The following DNM2 variants were observed in gnomAD, a reference collection of about 807,000 sequenced individuals.
DNM2 encodes dynamin-2.
In DNM2, 15 loss-of-function variants were observed where a neutral mutation model predicts 99.0. The observed-to-expected ratio is 0.15, with a 90% CI of 0.10 to 0.23. The LOEUF is 0.23. Ranked by LOEUF, DNM2 falls within the 10% of genes least tolerant of loss-of-function variation. The pLI is 1.00. For missense variants in DNM2, 742 were observed against 1,189.4 expected (o/e 0.62, Z 5.53); for synonymous variants, 525 against 481.2 (o/e 1.09, Z -1.19).
intron 11 of DNM2, among the ~76,000 whole-genome samples, chr19:10,799,658 G>A (rs562991575): frequency 2.8e-3 from 417 of 149,002 alleles, no homozygotes; most frequent in Non-Finnish European, 5.0e-3. Context: ...CTCAGCCTCC[G>A]AAGTAGCCAG....
chr19:10,719,599 C>A (rs1183894750), intron 1 of DNM2, among the ~76,000 whole-genome samples: 3 of 152,298 alleles, frequency 2.0e-5, no homozygotes, highest in Admixed American at 2.0e-4. Flanking sequence ...CCCACCAACC[C>A]CTCTTGCCTT....
At chr19:10,821,132 G>C (rs893123797) in intron 16 of DNM2, among the ~76,000 whole-genome samples, 1 of 152,042 alleles carries the variant, frequency 6.6e-6, no homozygotes, top group Non-Finnish European at 1.5e-5. Context: ...CTCCAGCTGA[G>C]TCTCCTGGTT....
rs1031023199 is a variant in DNM2, at chr19:10,772,412, C to T, written c.236-67C>T. 1 of 1,598,310 alleles carries T rather than the reference C, an allele frequency of 6.3e-7. No homozygotes were observed. The highest frequency in any genetic ancestry group is 1.3e-5 in the African/African-American group (1 of 74,762). Reference sequence around the variant, plus strand: ...TACTTTCATTCAACAAAGCATTTCTCCCCGCAGTCCATGCGCACCCTGCCC... The same window carrying T: ...TACTTTCATTCAACAAAGCATTTCTTCCCGCAGTCCATGCGCACCCTGCCC... On this transcript the variant is annotated intron_variant, in intron 2 of 20. Coordinates refer to ENST00000389253, the MANE Select transcript of DNM2 (RefSeq NM_001005361.3). The surrounding 1 kb of genome is among the most constrained non-coding windows in gnomAD (Gnocchi z 4.9).
chr19:10,783,015 C>G lies in DNM2; in HGVS notation c.744C>G (p.Ile248Met), dbSNP rs572493411. The G allele has an allele frequency of 1.9e-6, 3 of 1,614,180 alleles. No individual in the cohort carries two copies. Among genetic ancestry groups the G allele is most frequent in the Non-Finnish European group, 2.5e-6 (3 of 1,180,054 alleles). The change falls in exon 6 of 21, where the codon ATC becomes ATG. Residue 248 changes from isoleucine (I) to methionine (M), a missense_variant. Ile to Met is a conservative substitution (Grantham distance 10). Transcript: ENST00000389253. Reference sequence around the variant, plus strand: ...AGGATATTGAGGGCAAGAAGGACATCCGTGCAGCACTGGCAGCTGAGAGGA... The same window carrying G: ...AGGATATTGAGGGCAAGAAGGACATGCGTGCAGCACTGGCAGCTGAGAGGA... ...SQKDIEGKKD[I>M]RAALAAERKF...
intron 12 of DNM2, chr19:10,803,654 G>C (rs932365173): frequency 6.3e-5 from 62 of 986,180 alleles, no homozygotes; most frequent in Non-Finnish European, 7.2e-5. Context: ...ACTATACTGA[G>C]CAGCTGGTGA....
intron 6 of DNM2, among the ~76,000 whole-genome samples, chr19:10,785,090 T>C (rs1201873894): frequency 2.0e-5 from 3 of 151,984 alleles, no homozygotes; most frequent in Admixed American, 2.0e-4. Flanking sequence ...AGTGCTGGGA[T>C]TACAGGCGTG....
chr19:10,764,088 C>T lies in DNM2; in HGVS notation c.235+4277C>T, dbSNP rs773475668. ...TGCGGGCATCAGTGATTGCTGGGGCCGGCGGGGCCTTGTGGGGTATACACC... is the reference window on the plus strand; with the variant it reads ...TGCGGGCATCAGTGATTGCTGGGGCTGGCGGGGCCTTGTGGGGTATACACC... On this transcript the variant is annotated intron_variant, in intron 2 of 20. Coordinates refer to ENST00000389253, the MANE Select transcript of DNM2 (RefSeq NM_001005361.3). This position sits in a 1 kb window ranked among gnomAD's most constrained non-coding sequence, Gnocchi z 4.1. Among the ~76,000 whole-genome samples the T allele has an allele frequency of 7.9e-5, 12 of 152,206 alleles. No individual in the cohort carries two copies. The highest frequency in any genetic ancestry group is 4.6e-4 in the Admixed American group (7 of 15,288).
In DNM2 at chr19:10,795,484, G is replaced by A; in HGVS notation, c.1196+45G>A. The A allele has an allele frequency of 6.2e-7, 1 of 1,609,962 alleles. No homozygotes were observed. The highest frequency in any genetic ancestry group is 1.1e-5 in the South Asian group (1 of 91,010). On this transcript the variant is annotated intron_variant, in intron 9 of 20. Coordinates refer to ENST00000389253, the MANE Select transcript of DNM2 (RefSeq NM_001005361.3). The surrounding 1 kb of genome is among the most constrained non-coding windows in gnomAD (Gnocchi z 4.2). ...TCACCACTGTTCCTTCCTCTCCGTG[G>A]TGCGACCCCCCAGCTAATTGGGTCA...
At chr19:10,827,123 C>T (rs1290232098) in intron 18 of DNM2, among the ~76,000 whole-genome samples, 1 of 152,160 alleles carries the variant, frequency 6.6e-6, no homozygotes, top group African/African-American at 2.4e-5. Context: ...GCCATGCCCT[C>T]CCACCCTGTT....
In DNM2 at chr19:10,812,462, A is replaced by G; in HGVS notation, c.1671+85A>G. On this transcript the variant is annotated intron_variant, in intron 15 of 20. Coordinates refer to ENST00000389253, the MANE Select transcript of DNM2 (RefSeq NM_001005361.3). This position sits in a 1 kb window ranked among gnomAD's most constrained non-coding sequence, Gnocchi z 4.0. Reference sequence around the variant, plus strand: ...TGGGCGCTCCCTCTGGGCAGAACTCAGTCACTGCGCCACTCTGCCCTGAGT... The same window carrying G: ...TGGGCGCTCCCTCTGGGCAGAACTCGGTCACTGCGCCACTCTGCCCTGAGT... The G allele has an allele frequency of 8.8e-7, 1 of 1,132,572 alleles. No homozygotes were observed. The allele number at this position is 1,132,572 out of a possible 1,614,324, so 70.2% of individuals were successfully genotyped here. A position where few individuals can be genotyped will look rare whatever the true frequency, so the allele number is the denominator to read the frequency against.
chr19:10,721,947 G>A (rs927073302), intron 1 of DNM2, among the ~76,000 whole-genome samples: 3 of 152,168 alleles, frequency 2.0e-5, no homozygotes, highest in Non-Finnish European at 4.4e-5. Flanking sequence ...CAAAGGCTGT[G>A]GGCCTAAGGC....
rs568175136 is a variant in DNM2 at position 10,830,801 on chromosome 19, C to T, written c.2544-177C>T. Among the ~76,000 whole-genome samples the T allele has an allele frequency of 7.9e-5, 12 of 152,186 alleles. No homozygotes were observed. The highest frequency in any genetic ancestry group is 1.9e-4 in the East Asian group (1 of 5,164). On this transcript the variant is annotated intron_variant, in intron 20 of 20. Coordinates refer to ENST00000389253, the MANE Select transcript of DNM2 (RefSeq NM_001005361.3). This position sits in a 1 kb window ranked among gnomAD's most constrained non-coding sequence, Gnocchi z 4.8. ...GGCTCACTGAGGGTCAAACAGCAGG[C>T]GAGTTGATGCCTAGGTTTGGCACTC...
chr19:10,794,309 C>A (rs1438102459), intron 8 of DNM2, among the ~76,000 whole-genome samples: 1 of 150,692 alleles, frequency 6.6e-6, no homozygotes, highest in Admixed American at 6.6e-5. Context: ...GCAAAAATGT[C>A]AGCCCTGGGT....
rs1460577898 is a variant in DNM2 at position 10,735,732 on chromosome 19, AACTCCTAGACTCAT to A, written c.161+17330_161+17343del. Among the ~76,000 whole-genome samples, 4 of 151,722 alleles carry A rather than the reference AACTCCTAGACTCAT, an allele frequency of 2.6e-5. No homozygotes were observed. In the East Asian group the frequency reaches 7.8e-4, roughly 30 times the overall value. On this transcript the variant is annotated intron_variant, in intron 1 of 20. Coordinates refer to ENST00000389253, the MANE Select transcript of DNM2 (RefSeq NM_001005361.3). ...CGCTGTGTTGCTCAGGCTAGTCTCA[AACTCCTAGACTCAT>A]GTAATAATCCTCTTGCCTCTGGCTC...
At chr19:10,734,021 A>T (rs1041940885) in intron 1 of DNM2, among the ~76,000 whole-genome samples, 2 of 151,952 alleles carry the variant, frequency 1.3e-5, no homozygotes, top group Non-Finnish European at 2.9e-5. Context: ...AAATAAAAAA[A>T]AAAAAATGAA....
chr19:10,770,095 G>A (rs1030358260), intron 2 of DNM2, among the ~76,000 whole-genome samples: 11 of 152,202 alleles, frequency 7.2e-5, no homozygotes, highest in African/African-American at 2.4e-4. Flanking sequence ...AGGCGCAACG[G>A]GACCACACGC....
chr19:10,739,371 A>G (rs888281682), intron 1 of DNM2, among the ~76,000 whole-genome samples: 1 of 152,178 alleles, frequency 6.6e-6, no homozygotes, highest in Non-Finnish European at 1.5e-5. Flanking sequence ...CCACTATCTG[A>G]TTTTGTAGCA....
rs1369102164 is a variant in DNM2, at chr19:10,808,775, C to T, written c.1557+195C>T. ...CTGGGTATAAGTCGACTCACACAGG[C>T]ACTAACTGGACCGCCACCCTTGAAG... On this transcript the variant is annotated intron_variant, in intron 14 of 20. Transcript: ENST00000389253. The T allele has an allele frequency of 1.8e-6, 1 of 547,548 alleles. No homozygotes were observed. Among genetic ancestry groups the T allele is most frequent in the Non-Finnish European group, 3.1e-6 (1 of 320,646 alleles). The allele number at this position is 547,548 out of a possible 1,614,324, so 33.9% of individuals were successfully genotyped here.
At chr19:10,766,898 C>T (rs2070815417) in intron 2 of DNM2, among the ~76,000 whole-genome samples, 1 of 152,186 alleles carries the variant, frequency 6.6e-6, no homozygotes, top group African/African-American at 2.4e-5. Flanking sequence ...AGCTGCGAAC[C>T]TCTCTGAGGG....
Sources: allele counts gnomAD v4.1 joint callset (sites outside exome capture counted in the v4.1 genomes callset), GRCh38; gene constraint gnomAD v4.1.1; non-coding constraint Gnocchi (gnomAD v3.1); transcripts MANE v1.5; gene names NCBI Gene and HGNC (gene_info 2026-07-23, HGNC 2026-07-21).